Variants in ELAVL2 observed in about 807,000 individuals in gnomAD.
ELAVL2 encodes ELAV-like protein 2.
ELAVL2 carries 4 observed loss-of-function variants against 34.6 expected under a neutral mutation model. The observed-to-expected ratio is 0.12, with a 90% CI of 0.06 to 0.26. The LOEUF (loss-of-function observed/expected upper bound fraction) is 0.26, where lower values mean the gene tolerates loss of function less well. Ranked by LOEUF, ELAVL2 falls within the 10% of genes least tolerant of loss-of-function variation. ELAVL2 has a pLI of 1.00. For synonymous variants in ELAVL2, 193 were observed against 154.8 expected (o/e 1.25, Z -1.83); for missense variants, 432 against 442.8 (o/e 0.98, Z 0.22).
At chr9:23,816,737 C>T (rs528993490) in intron 1 of ELAVL2, among the ~76,000 whole-genome samples, 19 of 152,244 alleles carry the variant, frequency 1.2e-4, no homozygotes, top group Middle Eastern at 3.4e-3. Context: ...TGGTAGCAAG[C>T]CACAGCTCCC....
chr9:23,733,086 G>A (rs2046981509), intron 2 of ELAVL2, among the ~76,000 whole-genome samples: 1 of 147,868 alleles, frequency 6.8e-6, no homozygotes, highest in African/African-American at 2.5e-5. Flanking sequence ...CCTTTCTACT[G>A]ATAGATACTC....
chr9:23,762,017 T>C lies in ELAVL2; in HGVS notation c.218A>G (p.Asp73Gly). 1 of 1,611,512 alleles carries C rather than the reference T, an allele frequency of 6.2e-7. No homozygotes were observed. Among genetic ancestry groups the C allele is most frequent in the Non-Finnish European group, 8.5e-7 (1 of 1,178,590 alleles). Residue 73 changes from aspartate (D) to glycine (G), a missense_variant, in exon 2 of 7, where the codon GAC becomes GGC. This residue lies in a region of ELAVL2 where 132 missense variants were observed against 118.3 expected (regional missense o/e 1.12). Transcript: ENST00000397312. Reference sequence around the variant, plus strand: ...ATAAAACTGCTTACCTGTTATTTTGTCTCTTACAAGCTTACAGGACTCTAT... The same window carrying C: ...ATAAAACTGCTTACCTGTTATTTTGCCTCTTACAAGCTTACAGGACTCTAT... Reference protein sequence around the residue: ...GEIESCKLVRDKITGQSLGYG... With the variant: ...GEIESCKLVRGKITGQSLGYG...
chr9:23,746,663 CA>C (rs995757079), intron 2 of ELAVL2, among the ~76,000 whole-genome samples: 5 of 152,016 alleles, frequency 3.3e-5, no homozygotes, highest in Non-Finnish European at 7.4e-5. Flanking sequence ...AGAGAGGACC[CA>C]CCCAACTGGC....
rs751824000 is a variant in ELAVL2, at chr9:23,717,749, T to C, written c.334-12678A>G. Among the ~76,000 whole-genome samples, 228 of 152,332 alleles carry C rather than the reference T, an allele frequency of 1.5e-3. 1 individual carries two copies. Among genetic ancestry groups the C allele is most frequent in the Non-Finnish European group, 2.8e-3 (192 of 68,010 alleles). On this transcript the variant is annotated intron_variant, in intron 3 of 6. Transcript: ENST00000397312. The stretch of plus-strand genomic sequence containing the variant: ...AATAATGGTCATATAAACTAAGTGC[T>C]GTCTCCCTTACTACACAATGACATC...
intron 1 of ELAVL2, among the ~76,000 whole-genome samples, chr9:23,785,355 G>C (rs1028551137): frequency 6.6e-6 from 1 of 152,170 alleles, no homozygotes; most frequent in African/African-American, 2.4e-5. Context: ...CAGCAGCCAA[G>C]TAAGAGCCCA....
chr9:23,712,191 C>G (rs997986307), intron 3 of ELAVL2, among the ~76,000 whole-genome samples: 1 of 152,054 alleles, frequency 6.6e-6, no homozygotes, highest in Non-Finnish European at 1.5e-5. Context: ...AAAGGTGAAG[C>G]AACTTTTCCA....
intron 2 of ELAVL2, among the ~76,000 whole-genome samples, chr9:23,759,780 AT>A (rs1273663856): frequency 2.4e-4 from 33 of 138,864 alleles, no homozygotes; most frequent in South Asian, 1.1e-3. Flanking sequence ...ATATATATAT[AT>A]ATATATATAA....
At chr9:23,842,580 A>G in the ELAVL2 span, among the ~76,000 whole-genome samples, 2 of 152,114 alleles carry the variant, frequency 1.3e-5, no homozygotes, top group Admixed American at 6.6e-5. Flanking sequence ...TCATATATAT[A>G]GGAAATTTCC....
chr9:23,850,103 CGGGGAGGGGGTG>C, the ELAVL2 span, among the ~76,000 whole-genome samples: 1 of 107,664 alleles, frequency 9.3e-6, no homozygotes, highest in East Asian at 3.0e-4. Context: ...CAGAACATAC[CGGGGAGGGGGTG>C]GGGGTGGAAA....
chr9:23,728,003 C>A (rs986981696), intron 3 of ELAVL2, among the ~76,000 whole-genome samples: 11 of 152,022 alleles, frequency 7.2e-5, no homozygotes, highest in African/African-American at 2.7e-4. Context: ...ATCTTCTGTA[C>A]CTTTCTAAAG....
intron 1 of ELAVL2, among the ~76,000 whole-genome samples, chr9:23,778,604 A>G (rs1471461753): frequency 1.3e-5 from 2 of 152,152 alleles, no homozygotes; most frequent in African/African-American, 2.4e-5. Context: ...TTTAAGTAAA[A>G]GAGTATCATA....
In ELAVL2 at chr9:23,691,470, A is replaced by G. The variant is rs555824036; in HGVS notation, c.*1087T>C. 14 of 152,566 alleles carry G rather than the reference A, an allele frequency of 9.2e-5. No individual in the cohort carries two copies. The highest frequency in any genetic ancestry group is 1.5e-5 in the Non-Finnish European group (1 of 68,002). 9.5% of individuals were successfully genotyped at this position (152,566 alleles called of 1,614,324 possible). On this transcript the variant is annotated 3_prime_UTR_variant, in exon 7 of 7. Transcript: ENST00000397312. The stretch of plus-strand genomic sequence containing the variant: ...CAAACAATACTGCAAGTACATCACT[A>G]AACACCATGAGCTCTATCTGAAGGG...
chr9:23,782,183 G>C (rs71506783), intron 1 of ELAVL2, among the ~76,000 whole-genome samples: 4,526 of 152,178 alleles, frequency 0.03, 87 homozygotes, highest in East Asian at 0.076. Context: ...TTTTATTACT[G>C]AACAGCAGAC....
At chr9:23,811,082 A>G (rs559749655) in intron 1 of ELAVL2, among the ~76,000 whole-genome samples, 74 of 152,282 alleles carry the variant, frequency 4.9e-4, no homozygotes, top group Non-Finnish European at 7.6e-4. Context: ...GAAAACCAAA[A>G]CAGATGTCTT....
chr9:23,789,298 T>C lies in ELAVL2; in HGVS notation c.-15-27049A>G, dbSNP rs1215097618. ...CACAAGAAATGCAAGTTTTCCTAAATGGTAAGGTGGAATGTATGTCCCCTA... is the reference window on the plus strand; with the variant it reads ...CACAAGAAATGCAAGTTTTCCTAAACGGTAAGGTGGAATGTATGTCCCCTA... On this transcript the variant is annotated intron_variant, in intron 1 of 6. Coordinates refer to ENST00000397312, the MANE Select transcript of ELAVL2 (RefSeq NM_004432.5). 2.0e-5 allele frequency among the ~76,000 whole-genome samples: 3 copies of C among 152,264 alleles called. No homozygotes were observed. In the East Asian group the frequency reaches 5.8e-4, roughly 29 times the overall value.
At chr9:23,825,322 C>T (rs2065231535) in intron 1 of ELAVL2, among the ~76,000 whole-genome samples, 1 of 152,200 alleles carries the variant, frequency 6.6e-6, no homozygotes, top group African/African-American at 2.4e-5. Context: ...AATCCCATCT[C>T]CCCAGCACAT....
chr9:23,779,754 TTC>T (rs1490300922), intron 1 of ELAVL2, among the ~76,000 whole-genome samples: 2 of 151,674 alleles, frequency 1.3e-5, no homozygotes, highest in Admixed American at 6.6e-5. Context: ...CGCGGAAAGT[TTC>T]TGTGATTTCA....
intron 1 of ELAVL2, chr9:23,783,610 G>A: frequency 6.9e-6 from 4 of 579,234 alleles, no homozygotes; most frequent in Non-Finnish European, 8.7e-6. Flanking sequence ...TTGAAGGACA[G>A]ACATCTGCAT....
At chr9:23,812,625 G>A (rs1300927076) in intron 1 of ELAVL2, among the ~76,000 whole-genome samples, 2 of 151,842 alleles carry the variant, frequency 1.3e-5, no homozygotes, top group African/African-American at 2.4e-5. Context: ...TTGGTACCAA[G>A]AATTTTTAAG....
Sources: allele counts gnomAD v4.1 joint callset (sites outside exome capture counted in the v4.1 genomes callset), GRCh38; gene constraint gnomAD v4.1.1; regional missense constraint gnomAD v4.1.1; transcripts MANE v1.5; gene names NCBI Gene and HGNC (gene_info 2026-07-23, HGNC 2026-07-21).